Variants in CLMN observed in about 807,000 individuals in gnomAD.
CLMN encodes the protein calmin (calponin-like, transmembrane).
Under a neutral mutation model 92.7 loss-of-function variants are expected in CLMN, and 57 were observed. The ratio of observed to expected loss-of-function variants is 0.61; its 90% CI spans 0.50 to 0.77. CLMN has a LOEUF of 0.77. CLMN is among the 30% of genes least tolerant of loss of function. The probability of loss-of-function intolerance (pLI) is 0.00; values close to 1 mark genes in which losing one functional copy is unlikely to be tolerated. For synonymous variants in CLMN, 466 were observed against 470.6 expected, an observed-to-expected ratio of 0.99 and a Z score of 0.13; for missense variants, 1,158 against 1,237.5, an observed-to-expected ratio of 0.94 and a Z score of 0.96.
intron 4 of CLMN, among the ~76,000 whole-genome samples, chr14:95,219,016 C>T (rs753436169): frequency 4.6e-5 from 7 of 152,222 alleles, no homozygotes; most frequent in Non-Finnish European, 8.8e-5. Flanking sequence ...CATCTTCATG[C>T]CCCTGGGGTG....
chr14:95,213,252 G>A lies in CLMN; in HGVS notation c.575C>T (p.Ala192Val), dbSNP rs1487562189. 2 of 1,613,926 alleles carry A rather than the reference G, an allele frequency of 1.2e-6. No homozygotes were observed. Among genetic ancestry groups the A allele is most frequent in the Non-Finnish European group, 1.7e-6 (2 of 1,179,998 alleles). ...TTTCCTCTGCACCCACGCCAACAGG[G>A]CCTTGATAGCCTTCCTCTGGTCTTT... ...SVKDQRKAIK[A>V]LLAWVQRKTR... Residue 192 changes from alanine to valine, a missense_variant, in exon 6 of 13, where the codon GCC becomes GTC. Coordinates refer to ENST00000298912, the MANE Select transcript of CLMN (RefSeq NM_024734.4).
At chr14:95,198,811 C>T (rs551961083) in intron 9 of CLMN, among the ~76,000 whole-genome samples, 5 of 152,184 alleles carry the variant, frequency 3.3e-5, no homozygotes, top group African/African-American at 9.7e-5. Flanking sequence ...GGAAAGCATT[C>T]GAGAACAAAC....
At chr14:95,293,464 G>A (rs933582339) in intron 1 of CLMN, among the ~76,000 whole-genome samples, 1 of 143,814 alleles carries the variant, frequency 7.0e-6, no homozygotes, top group Non-Finnish European at 1.5e-5. Context: ...AGTTTTCTCT[G>A]ACTTGTTTTT....
rs1274487087 is a variant in CLMN at position 95,259,760 on chromosome 14, T to C, written c.83-29627A>G. 6.6e-6 allele frequency among the ~76,000 whole-genome samples: 1 copy of C among 152,164 alleles called. No individual in the cohort carries two copies. Among genetic ancestry groups the C allele is most frequent in the Non-Finnish European group, 1.5e-5 (1 of 68,018 alleles). On this transcript the variant is annotated intron_variant, in intron 1 of 12. Transcript: ENST00000298912. This position sits in a 1 kb window ranked among gnomAD's most constrained non-coding sequence, Gnocchi z 4.3. ...GACATGCAAACTCAAAACCATGGCA[T>C]GCATAACCCCTCAAAGGTTCTTCTT...
At chr14:95,298,458 G>A (rs951996024) in intron 1 of CLMN, among the ~76,000 whole-genome samples, 3 of 152,122 alleles carry the variant, frequency 2.0e-5, no homozygotes, top group East Asian at 3.9e-4. Context: ...GGCGCCACAC[G>A]GCCACTAATC....
chr14:95,196,765 CAG>C (rs1896728144), intron 9 of CLMN, 71 bp from the exon 10 acceptor site: 1 of 1,478,406 alleles, frequency 6.8e-7, no homozygotes. Context: ...CATCACCCAG[CAG>C]TGCTCTGCCC....
chr14:95,268,928 C>T (rs1463376065), intron 1 of CLMN, among the ~76,000 whole-genome samples: 8 of 151,182 alleles, frequency 5.3e-5, no homozygotes, highest in Admixed American at 1.3e-4. Flanking sequence ...CTCAGCCTCC[C>T]GAGTAGCTGG....
chr14:95,280,619 C>A (rs1168995331), intron 1 of CLMN, among the ~76,000 whole-genome samples: 1 of 152,136 alleles, frequency 6.6e-6, no homozygotes, highest in Non-Finnish European at 1.5e-5. Context: ...TAAATTAAGT[C>A]TTTTTCTGAC....
At chr14:95,268,582 G>A (rs1382180847) in intron 1 of CLMN, among the ~76,000 whole-genome samples, 1 of 152,056 alleles carries the variant, frequency 6.6e-6, no homozygotes, top group Non-Finnish European at 1.5e-5. Flanking sequence ...TGACTGCCAT[G>A]GTGGTCACAC....
Position 95,319,829 on chromosome 14 carries a change from G to GGGA in CLMN, c.-38_-37insTCC. 1.6e-6 allele frequency: 2 copies of GGGA among 1,280,346 alleles called. No homozygotes were observed. The highest frequency in any genetic ancestry group is 2.0e-6 in the Non-Finnish European group (2 of 1,006,872). 79.3% of individuals were successfully genotyped at this position (1,280,346 alleles called of 1,614,324 possible). On this transcript the variant is annotated 5_prime_UTR_variant, in exon 1 of 13. Transcript: ENST00000298912. ...GGGAGAGCCCGGGCCAGCGCGGCGC[G>GGGA]GGCGGCGGGCGCGGAGAGCCTGGCT...
intron 1 of CLMN, among the ~76,000 whole-genome samples, chr14:95,291,600 G>A (rs139561941): frequency 6.6e-6 from 1 of 152,168 alleles, no homozygotes; most frequent in East Asian, 1.9e-4. Flanking sequence ...CTGGGGAATG[G>A]GGAGCCCTGT....
At chr14:95,196,784 A>G in intron 9 of CLMN, 90 bp from the exon 10 acceptor site, 3 of 1,252,838 alleles carry the variant, frequency 2.4e-6, no homozygotes, top group Non-Finnish European at 3.3e-6. Context: ...GCCCAGGCCC[A>G]GCCAGGGCGT....
intron 5 of CLMN, 79 bp from the exon 6 acceptor site, chr14:95,213,488 T>C: frequency 2.2e-6 from 3 of 1,379,616 alleles, no homozygotes; most frequent in East Asian, 2.4e-5. Flanking sequence ...GGTGGCCATA[T>C]GGACCATGGC....
rs985093474 is a variant in CLMN, at chr14:95,184,549, G to A, written c.*7015C>T. The A allele has an allele frequency of 6.6e-6, 1 of 152,214 alleles. No homozygotes were observed. The highest frequency in any genetic ancestry group is 1.5e-5 in the Non-Finnish European group (1 of 68,040). The allele number at this position is 152,214 out of a possible 1,614,324, so 9.4% of individuals were successfully genotyped here. A position where few individuals can be genotyped will look rare whatever the true frequency, so the allele number is the denominator to read the frequency against. On this transcript the variant is annotated 3_prime_UTR_variant, in exon 13 of 13. Coordinates refer to ENST00000298912, the MANE Select transcript of CLMN (RefSeq NM_024734.4). ...ATGTTGCTCCAGCCCTGGCTGGGAG[G>A]AACTGCTTGCTTGATGTGTTCTCAT... is the stretch of plus-strand genomic sequence containing the variant.
At chr14:95,238,733 G>T (rs1228830224) in intron 1 of CLMN, among the ~76,000 whole-genome samples, 1 of 152,124 alleles carries the variant, frequency 6.6e-6, no homozygotes, top group Non-Finnish European at 1.5e-5. Flanking sequence ...CAAACCGGTG[G>T]TCTCCCCAAT....
At chr14:95,263,287 G>T (rs1899332561) in intron 1 of CLMN, among the ~76,000 whole-genome samples, 1 of 152,170 alleles carries the variant, frequency 6.6e-6, no homozygotes, top group Admixed American at 6.5e-5. Flanking sequence ...AAAACCATCA[G>T]ATCTCATGAT....
At chr14:95,221,989 CTTAT>C (rs1189744003) in intron 3 of CLMN, among the ~76,000 whole-genome samples, 1 of 152,144 alleles carries the variant, frequency 6.6e-6, no homozygotes, top group East Asian at 1.9e-4. Flanking sequence ...AAAGGTCGGC[CTTAT>C]TTACAGTACT....
At chr14:95,295,187 AG>A (rs1900752780) in intron 1 of CLMN, among the ~76,000 whole-genome samples, 1 of 152,248 alleles carries the variant, frequency 6.6e-6, no homozygotes. Flanking sequence ...TCATGATTAC[AG>A]GGTGGAGGCC....
chr14:95,222,741 T>A (rs551630327), intron 3 of CLMN: 3 of 348,112 alleles, frequency 8.6e-6, no homozygotes, highest in African/African-American at 6.4e-5. Flanking sequence ...CACTGAATAC[T>A]GCGTAGCCCT....
Sources: gnomAD v4.1 joint callset for allele counts (sites outside exome capture counted in the v4.1 genomes callset) on GRCh38, gnomAD v4.1.1 for gene constraint, Gnocchi (gnomAD v3.1) non-coding constraint, MANE v1.5 for transcripts, NCBI Gene and HGNC (gene_info 2026-07-23, HGNC 2026-07-21) for gene names.